Variants in AXDND1 observed in about 807,000 individuals in gnomAD.
AXDND1 encodes axonemal dynein light chain domain-containing protein 1.
AXDND1 carries 110 observed loss-of-function variants against 137.5 expected under a neutral mutation model. That is an observed-to-expected ratio of 0.80 (90% CI 0.69 to 0.94). AXDND1 has a LOEUF of 0.94. AXDND1 is among the 40% of genes least tolerant of loss of function. The pLI, the probability that AXDND1 is intolerant of heterozygous loss-of-function variation, is 0.00. For synonymous variants in AXDND1, 414 were observed against 399.7 expected (o/e 1.04, Z -0.43); for missense variants, 1,191 against 1,169.8 (o/e 1.02, Z -0.26).
intron 20 of AXDND1, among the ~76,000 whole-genome samples, chr1:179,495,896 C>CTT (rs34788199): frequency 0.072 from 8,431 of 116,382 alleles, 347 homozygotes; most frequent in East Asian, 0.08. Flanking sequence ...GCTGAAAATT[C>CTT]TTTTTTTTTT....
chr1:179,376,011 A>G (rs1291478403), intron 4 of AXDND1, among the ~76,000 whole-genome samples: 2 of 152,210 alleles, frequency 1.3e-5, no homozygotes, highest in East Asian at 3.8e-4. Context: ...ATCAGCTGCC[A>G]AATGGCATTG....
intron 8 of AXDND1, 24 bp downstream of exon 8, chr1:179,383,568 C>G (rs1268590666): frequency 6.3e-7 from 1 of 1,575,586 alleles, no homozygotes; most frequent in South Asian, 1.1e-5. Context: ...CGAATGCAAC[C>G]TGGTGGCTAA....
chr1:179,472,330 A>G (rs1376831277), intron 17 of AXDND1, among the ~76,000 whole-genome samples: 1 of 152,098 alleles, frequency 6.6e-6, no homozygotes, highest in Non-Finnish European at 1.5e-5. Context: ...CCAGTTTCAG[A>G]TTTGTAATTT....
At chr1:179,429,971 G>A (rs184897978) in intron 13 of AXDND1, among the ~76,000 whole-genome samples, 5 of 148,272 alleles carry the variant, frequency 3.4e-5, no homozygotes, top group Admixed American at 1.4e-4. Flanking sequence ...AGAAAAGGAG[G>A]GCATTTAGCA....
rs1197587558 is a variant in AXDND1, at chr1:179,405,753, CT to C, written c.1110-5392del. 1.4e-3 allele frequency among the ~76,000 whole-genome samples: 207 copies of C among 150,500 alleles called. 2 individuals are homozygous for C. The highest frequency in any genetic ancestry group is 4.9e-3 in the African/African-American group (199 of 40,296). On this transcript the variant is annotated intron_variant, in intron 11 of 25. Transcript: ENST00000367618. ...TTCTGATTTTATTTGCTTGAGTCGT[CT>C]CTCTTTTTTTCTTGGGTAGTCTAGC...
chr1:179,383,531 C>T lies in AXDND1; in HGVS notation c.728C>T (p.Thr243Ile). 1.2e-6 allele frequency: 2 copies of T among 1,612,982 alleles called. No homozygotes were observed. Among genetic ancestry groups the T allele is most frequent in the Non-Finnish European group, 8.5e-7 (1 of 1,179,116 alleles). ...ERAGVENQEY[T>I]GPTKMHKLLH... The stretch of plus-strand genomic sequence containing the variant: ...GCTGGTGTGGAAAATCAGGAATATA[C>T]AGGACCAACGAAGGTAATTGCAAAG... The change falls in exon 8 of 26, where the codon ACA (threonine) becomes ATA (isoleucine). Residue 243 changes from threonine to isoleucine, a missense_variant. Physicochemically the swap from Thr to Ile is moderately conservative, Grantham distance 89 (BLOSUM62 -1). Transcript: ENST00000367618.
chr1:179,476,923 T>G (rs1011701908), intron 17 of AXDND1, among the ~76,000 whole-genome samples: 18 of 152,214 alleles, frequency 1.2e-4, no homozygotes, highest in African/African-American at 4.3e-4. Context: ...AGATCCTGTT[T>G]CTTTGAATAT....
In AXDND1 at chr1:179,370,035, AAAT is replaced by A; in HGVS notation, c.333_335del (p.Lys111_Tyr112delinsAsn). ...TCACCCTGTTCGAAGGAATAAATTC[AAAT>A]ACCTGATTGACCATCCCGTCTCCCT... On this transcript the variant is annotated inframe_deletion, in exon 4 of 26. Transcript: ENST00000367618. 1 of 1,614,052 alleles carries A rather than the reference AAAT, an allele frequency of 6.2e-7. No individual in the cohort carries two copies. Among genetic ancestry groups the A allele is most frequent in the Non-Finnish European group, 8.5e-7 (1 of 1,179,956 alleles).
At chr1:179,378,847 T>TA in intron 5 of AXDND1, 90 bp downstream of exon 5, 1 of 1,080,362 alleles carries the variant, frequency 9.3e-7, no homozygotes, top group Non-Finnish European at 1.2e-6. Context: ...ATATAAAATA[T>TA]AAAACAACGT....
At chr1:179,540,341 T>G (rs1332899090) in intron 25 of AXDND1, among the ~76,000 whole-genome samples, 3 of 152,198 alleles carry the variant, frequency 2.0e-5, no homozygotes, top group Non-Finnish European at 2.9e-5. Context: ...TTATCTACAT[T>G]TTGTCTTTGA....
chr1:179,383,588 C>T, intron 8 of AXDND1, 44 bp downstream of exon 8: 2 of 1,452,200 alleles, frequency 1.4e-6, no homozygotes. Flanking sequence ...AGAGCATGCA[C>T]TCAGGAGGCA....
At chr1:179,495,375 A>G (rs1667338402) in intron 20 of AXDND1, among the ~76,000 whole-genome samples, 1 of 152,052 alleles carries the variant, frequency 6.6e-6, no homozygotes, top group South Asian at 2.1e-4. Context: ...AAAGTTTTAT[A>G]GTTTTCAGTG....
intron 21 of AXDND1, among the ~76,000 whole-genome samples, chr1:179,517,376 C>G (rs1669642999): frequency 6.6e-6 from 1 of 152,210 alleles, no homozygotes; most frequent in African/African-American, 2.4e-5. Flanking sequence ...TGCTACCTGC[C>G]TCCCAGCTGC....
intron 15 of AXDND1, among the ~76,000 whole-genome samples, chr1:179,434,966 C>T (rs1220351117): frequency 6.6e-6 from 1 of 152,108 alleles, no homozygotes; most frequent in African/African-American, 2.4e-5. Context: ...CCCAAAACTC[C>T]TTAAGCTGAT....
At chr1:179,377,818 T>C (rs910675759) in intron 4 of AXDND1, among the ~76,000 whole-genome samples, 19 of 152,092 alleles carry the variant, frequency 1.2e-4, no homozygotes, top group Non-Finnish European at 5.9e-5. Flanking sequence ...TTTAGGAAGT[T>C]TGATGTTTAA....
intron 12 of AXDND1, among the ~76,000 whole-genome samples, chr1:179,418,699 G>A (rs867341924): frequency 4.7e-4 from 71 of 151,592 alleles, no homozygotes; most frequent in African/African-American, 1.4e-3. Context: ...CGGACGGGGC[G>A]GCTGGCCGGG....
chr1:179,514,871 A>G lies in AXDND1; in HGVS notation c.2496+5468A>G, dbSNP rs1053130320. Among the ~76,000 whole-genome samples the G allele has an allele frequency of 4.0e-4, 61 of 152,152 alleles. 3 individuals are homozygous for G. Among genetic ancestry groups the G allele is most frequent in the Non-Finnish European group, 5.9e-5 (4 of 68,008 alleles). ...CTTTAAAGTTTGTTTTGTCTGATAT[A>G]AGAATAGCTACCCCTGCTCGCTTTT... is the stretch of plus-strand genomic sequence containing the variant. On this transcript the variant is annotated intron_variant, in intron 21 of 25. Transcript: ENST00000367618.
chr1:179,444,700 CTTT>C (rs57923612), intron 15 of AXDND1, among the ~76,000 whole-genome samples: 31 of 146,294 alleles, frequency 2.1e-4, no homozygotes, highest in Non-Finnish European at 2.4e-4. Context: ...CTTATCACTA[CTTT>C]TTTTTTTTTT....
Position 179,383,483 on chromosome 1 carries a change from T to C in AXDND1, c.680T>C (p.Val227Ala). The change falls in exon 8 of 26, where the codon GTG becomes GCG. Residue 227 changes from valine to alanine, a missense_variant. Coordinates refer to ENST00000367618, the MANE Select transcript of AXDND1 (RefSeq NM_144696.6). Reference protein sequence around the residue: ...KRVEVAQLNDVMDTMLERAGV... With the variant: ...KRVEVAQLNDAMDTMLERAGV... ...GTAGAAGTGGCCCAGCTGAATGATG[T>C]GATGGATACTATGCTAGAGAGGGCT... The C allele has an allele frequency of 6.2e-7, 1 of 1,614,084 alleles. No homozygotes were observed. The highest frequency in any genetic ancestry group is 1.7e-5 in the Admixed American group (1 of 60,012).
Sources: gnomAD v4.1 joint callset for allele counts (sites outside exome capture counted in the v4.1 genomes callset) on GRCh38, gnomAD v4.1.1 for gene constraint, MANE v1.5 for transcripts, NCBI Gene and HGNC (gene_info 2026-07-23, HGNC 2026-07-21) for gene names.